RIMS2: variants seen among roughly 807,000 people sequenced by gnomAD.
RIMS2 encodes the protein regulating synaptic membrane exocytosis 2.
A neutral mutation model predicts 174.4 loss-of-function variants in RIMS2; 59 were observed. That is an observed-to-expected ratio of 0.34 (90% confidence interval 0.27 to 0.42). RIMS2 has a LOEUF of 0.42. Among genes scored for constraint, RIMS2 ranks in the 10% least tolerant of loss-of-function variants. RIMS2 has a pLI of 1.00. For synonymous variants in RIMS2, 606 were observed against 572.5 expected, an observed-to-expected ratio of 1.06 and a Z score of -0.84; for missense variants, 1,620 against 1,666.3, an observed-to-expected ratio of 0.97 and a Z score of 0.48.
chr8:103,663,266 GAAAC>G (rs2096626516), intron 1 of RIMS2, among the ~76,000 whole-genome samples: 4 of 151,912 alleles, frequency 2.6e-5, no homozygotes, highest in African/African-American at 4.8e-5. Flanking sequence ...ATAAAACAGA[GAAAC>G]AAAGCCATTT....
At chr8:104,243,270 G>A (rs1417541754) in intron 19 of RIMS2, among the ~76,000 whole-genome samples, 1 of 152,182 alleles carries the variant, frequency 6.6e-6, no homozygotes, top group Non-Finnish European at 1.5e-5. Flanking sequence ...GTACCTTAAT[G>A]TTGGAAGTAG....
At chr8:103,603,028 G>C (rs1416560979) in intron 1 of RIMS2, among the ~76,000 whole-genome samples, 4 of 151,014 alleles carry the variant, frequency 2.6e-5, no homozygotes, top group Admixed American at 2.6e-4. Context: ...TTAAGTTTTA[G>C]GGTACATGTG....
At chr8:103,555,279 C>G (rs751006019) in intron 1 of RIMS2, among the ~76,000 whole-genome samples, 2 of 152,132 alleles carry the variant, frequency 1.3e-5, no homozygotes, top group Non-Finnish European at 2.9e-5. Flanking sequence ...CTCACCTTCA[C>G]TAATTATCAG....
At chr8:103,528,986 A>G (rs879289224) in intron 1 of RIMS2, among the ~76,000 whole-genome samples, 10 of 152,190 alleles carry the variant, frequency 6.6e-5, no homozygotes, top group Non-Finnish European at 1.5e-4. Flanking sequence ...CTTGGGCAGT[A>G]TGGCCAGTTT....
At chr8:104,236,713 C>A (rs190741834) in intron 19 of RIMS2, among the ~76,000 whole-genome samples, 1 of 151,242 alleles carries the variant, frequency 6.6e-6, no homozygotes, top group Non-Finnish European at 1.5e-5. Context: ...AAAGAGCAGA[C>A]GAAAAGTAGT....
chr8:103,999,851 A>T (rs527490416), intron 17 of RIMS2, among the ~76,000 whole-genome samples: 21 of 151,830 alleles, frequency 1.4e-4, no homozygotes, highest in Non-Finnish European at 1.5e-4. Context: ...ACTTCGGCCT[A>T]ATTGGCCCAT....
intron 1 of RIMS2, among the ~76,000 whole-genome samples, chr8:103,690,600 C>A (rs961137359): frequency 3.9e-5 from 6 of 152,134 alleles, no homozygotes; most frequent in Admixed American, 3.9e-4. Flanking sequence ...TACACTTAAC[C>A]TTTACTCACC....
intron 3 of RIMS2, among the ~76,000 whole-genome samples, chr8:103,774,925 T>C (rs1416661559): frequency 6.6e-6 from 1 of 152,166 alleles, no homozygotes; most frequent in Non-Finnish European, 1.5e-5. Flanking sequence ...AGGAGAATTA[T>C]GTGCATAATT....
intron 2 of RIMS2, among the ~76,000 whole-genome samples, chr8:103,719,856 T>G (rs528752767): frequency 6.6e-6 from 1 of 152,296 alleles, no homozygotes; most frequent in African/African-American, 2.4e-5. Flanking sequence ...GGAACAAAAT[T>G]AAGCCCATTT....
intron 2 of RIMS2, among the ~76,000 whole-genome samples, chr8:103,717,283 C>T (rs2138249461): frequency 6.8e-6 from 1 of 147,452 alleles, no homozygotes; most frequent in South Asian, 2.1e-4. Flanking sequence ...AAAAAGGTTA[C>T]TGCAATTTCT....
chr8:103,939,030 T>C (rs1448529584), intron 13 of RIMS2, among the ~76,000 whole-genome samples: 1 of 152,138 alleles, frequency 6.6e-6, no homozygotes, highest in Non-Finnish European at 1.5e-5. Context: ...TCTGTTGGTT[T>C]CCCAGGTGCA....
At chr8:103,501,124 C>T in intron 1 of RIMS2, 62 bp downstream of exon 1, 8 of 1,271,384 alleles carry the variant, frequency 6.3e-6, no homozygotes, top group Non-Finnish European at 8.4e-6. Context: ...GCCCACTGCC[C>T]TGCGGCCGCC....
chr8:103,758,890 G>A (rs1333762276), intron 2 of RIMS2, among the ~76,000 whole-genome samples: 3 of 152,176 alleles, frequency 2.0e-5, no homozygotes, highest in Non-Finnish European at 2.9e-5. Context: ...AGGCAAAGTG[G>A]TAAAACTCAC....
chr8:104,056,440 T>C (rs2154559570), intron 19 of RIMS2, among the ~76,000 whole-genome samples: 2 of 152,134 alleles, frequency 1.3e-5, no homozygotes, highest in Middle Eastern at 6.8e-3. Context: ...GATGGAATTA[T>C]AAAGAGTATC....
intron 19 of RIMS2, among the ~76,000 whole-genome samples, chr8:104,155,438 G>A (rs1430741408): frequency 9.5e-6 from 1 of 104,948 alleles, no homozygotes; most frequent in East Asian, 3.5e-4. Flanking sequence ...TTCTGAGACA[G>A]AGTCTTGCTC....
intron 19 of RIMS2, among the ~76,000 whole-genome samples, chr8:104,030,811 T>C (rs1198441563): frequency 6.6e-6 from 1 of 152,178 alleles, no homozygotes; most frequent in African/African-American, 2.4e-5. Flanking sequence ...TTTATTTCCT[T>C]CTTACCTACT....
chr8:104,073,291 A>T (rs1291137499), intron 19 of RIMS2, among the ~76,000 whole-genome samples: 1 of 152,136 alleles, frequency 6.6e-6, no homozygotes, highest in Non-Finnish European at 1.5e-5. Flanking sequence ...TTAGTTTTTA[A>T]ATTTGCCATA....
At chr8:104,133,174 T>A (rs2098486713) in intron 19 of RIMS2, among the ~76,000 whole-genome samples, 2 of 152,198 alleles carry the variant, frequency 1.3e-5, no homozygotes, top group African/African-American at 4.8e-5. Flanking sequence ...TTGTACCATT[T>A]TAAGTGGGGT....
chr8:103,652,920 C>G (rs904041737), intron 1 of RIMS2, among the ~76,000 whole-genome samples: 1 of 148,688 alleles, frequency 6.7e-6, no homozygotes, highest in Non-Finnish European at 1.5e-5. Flanking sequence ...ATTCCCCCCA[C>G]CCTGCTATAT....
Sources: gnomAD v4.1 joint callset for allele counts (sites outside exome capture counted in the v4.1 genomes callset) on GRCh38, gnomAD v4.1.1 for gene constraint, MANE v1.5 for transcripts, NCBI Gene and HGNC (gene_info 2026-07-23, HGNC 2026-07-21) for gene names.